MACF1: variants seen among roughly 807,000 people sequenced by gnomAD.
MACF1 encodes microtubule-actin cross-linking factor 1.
MACF1 carries 193 observed loss-of-function variants against 854.8 expected under a neutral mutation model. That is an observed-to-expected ratio of 0.23 (90% CI 0.20 to 0.25). The LOEUF (loss-of-function observed/expected upper bound fraction) is 0.25. Among genes scored for constraint, MACF1 ranks in the 10% least tolerant of loss-of-function variants. The pLI, the probability that MACF1 is intolerant of heterozygous loss-of-function variation, is 1.00. For synonymous variants in MACF1, 3,185 were observed against 3,226.7 expected (o/e 0.99, Z 0.44); for missense variants, 7,722 against 8,929.1 (o/e 0.86, Z 5.45).
At chr1:39,463,902 T>G (rs893705006) in intron 94 of MACF1, 4 of 443,940 alleles carry the variant, frequency 9.0e-6, no homozygotes, top group African/African-American at 5.9e-5. Context: ...TATTTAAGTT[T>G]TAAGATAGGA....
intron 100 of MACF1, chr1:39,485,136 T>G (rs529828356): frequency 9.6e-5 from 30 of 312,850 alleles, no homozygotes; most frequent in African/African-American, 6.1e-4. Flanking sequence ...GTTCTCCTGC[T>G]ACTGTTCCTC....
chr1:39,468,262 C>A, intron 95 of MACF1: 1 of 182,434 alleles, frequency 5.5e-6, no homozygotes, highest in South Asian at 1.1e-4. Flanking sequence ...ATGGCACACG[C>A]CTAATAAACC....
chr1:39,285,074 C>G lies in MACF1; in HGVS notation c.1132-9C>G. On this transcript the variant is annotated splice_polypyrimidine_tract_variant and intron_variant, in intron 11 of 100. Coordinates refer to ENST00000564288, the MANE Select transcript of MACF1 (RefSeq NM_001394062.1). Reference sequence around the variant, plus strand: ...CTGTGTTTTTGGACTGAAAGAGTATCTGTTTCAGGTGTGGATTGAATTTGG... The same window carrying G: ...CTGTGTTTTTGGACTGAAAGAGTATGTGTTTCAGGTGTGGATTGAATTTGG... 6.2e-7 allele frequency: 1 copy of G among 1,613,868 alleles called. No individual in the cohort carries two copies. The highest frequency in any genetic ancestry group is 8.5e-7 in the Non-Finnish European group (1 of 1,179,860).
intron 2 of MACF1, among the ~76,000 whole-genome samples, chr1:39,164,850 T>G (rs1016628087): frequency 1.3e-5 from 2 of 152,238 alleles, no homozygotes; most frequent in African/African-American, 4.8e-5. Context: ...TTTGGTAGAT[T>G]TCTGCCTCTG....
At chr1:39,157,907 C>A (rs1643723924) in intron 2 of MACF1, among the ~76,000 whole-genome samples, 1 of 152,014 alleles carries the variant, frequency 6.6e-6, no homozygotes, top group Non-Finnish European at 1.5e-5. Context: ...GGGGTTTTGC[C>A]ATGTTGCTCA....
Position 39,251,828 on chromosome 1 carries a change from C to T in MACF1, c.262-18C>T. 2 of 1,355,316 alleles carry T rather than the reference C, an allele frequency of 1.5e-6. No homozygotes were observed. Among genetic ancestry groups the T allele is most frequent in the Non-Finnish European group, 1.9e-6 (2 of 1,045,376 alleles). 84.0% of individuals were successfully genotyped at this position (1,355,316 alleles called of 1,614,324 possible). A position where few individuals can be genotyped will look rare whatever the true frequency, so the allele number is the denominator to read the frequency against. ...TCTTGTTCCTCTATTGTGTCTTTGC[C>T]TTGGTTGGTGGCCAAAGGAGCCAGC... On this transcript the variant is annotated intron_variant, in intron 3 of 100. Transcript: ENST00000564288.
In MACF1 at chr1:39,486,626, CTATTTATT is replaced by C. The variant is rs921080416; in HGVS notation, c.*835_*842del. The C allele has an allele frequency of 1.3e-5, 2 of 152,540 alleles. No homozygotes were observed. Among genetic ancestry groups the C allele is most frequent in the African/African-American group, 4.8e-5 (2 of 41,426 alleles). 9.4% of individuals were successfully genotyped at this position (152,540 alleles called of 1,614,324 possible). On this transcript the variant is annotated 3_prime_UTR_variant, in exon 101 of 101. Transcript: ENST00000564288. Reference sequence around the variant, plus strand: ...AGATTTGTTTTATCCACTTTTTTTGCTATTTATTTAAATGGTCGATCAACTTCCCACAA... The same window carrying C: ...AGATTTGTTTTATCCACTTTTTTTGCTAAATGGTCGATCAACTTCCCACAA...
rs529982802 is a variant in MACF1 at position 39,436,304 on chromosome 1, C to T, written c.17988+543C>T. Among the ~76,000 whole-genome samples, 4 of 152,170 alleles carry T rather than the reference C, an allele frequency of 2.6e-5. No individual in the cohort carries two copies. The East Asian group carries it at 7.7e-4, about 29-fold the overall frequency. ...TGTTGTCATGTCTGGGTATTTTATTCCTATGTTTAGTCAATATTCTTGGTT... is the reference window on the plus strand; with the variant it reads ...TGTTGTCATGTCTGGGTATTTTATTTCTATGTTTAGTCAATATTCTTGGTT... On this transcript the variant is annotated intron_variant, in intron 70 of 100. Coordinates refer to ENST00000564288, the MANE Select transcript of MACF1 (RefSeq NM_001394062.1).
intron 2 of MACF1, among the ~76,000 whole-genome samples, chr1:39,174,103 C>T (rs1472664676): frequency 1.3e-5 from 2 of 152,192 alleles, no homozygotes; most frequent in African/African-American, 4.8e-5. Flanking sequence ...AGTTTTTGGT[C>T]ATTGCTTCTA....
intron 64 of MACF1, 152 bp from the exon 65 acceptor site, chr1:39,429,675 C>A (rs1334189346): frequency 8.3e-6 from 6 of 722,292 alleles, no homozygotes; most frequent in African/African-American, 7.1e-5. Flanking sequence ...ATTTTATTTC[C>A]CATTTGCCCT....
At position 39,364,222 on chromosome 1, in the gene MACF1, CATG is replaced by C. The variant is rs543201279; in HGVS notation, c.12771+2548_12771+2550del. ...TTTTTTTCTGGTGTGATTGGTAAAA[CATG>C]ATATGTGAATGTGGTTTTAATTTTT... On this transcript the variant is annotated intron_variant, in intron 49 of 100. Coordinates refer to ENST00000564288, the MANE Select transcript of MACF1 (RefSeq NM_001394062.1). 5.1e-3 allele frequency among the ~76,000 whole-genome samples: 775 copies of C among 152,188 alleles called. 6 individuals carry two copies. Among genetic ancestry groups the C allele is most frequent in the African/African-American group, 0.018 (747 of 41,528 alleles).
intron 49 of MACF1, among the ~76,000 whole-genome samples, chr1:39,367,406 C>T (rs1033430828): frequency 1.3e-5 from 2 of 151,634 alleles, no homozygotes; most frequent in Non-Finnish European, 2.9e-5. Context: ...GCCATGTTGC[C>T]CAGGCTGGTC....
intron 50 of MACF1, 71 bp from the exon 51 acceptor site, chr1:39,369,959 T>G: frequency 7.2e-7 from 1 of 1,395,420 alleles, no homozygotes; most frequent in African/African-American, 1.4e-5. Context: ...AGTCACAGAA[T>G]GAACTACTCT....
chr1:39,267,922 G>A (rs1195050583), intron 6 of MACF1, among the ~76,000 whole-genome samples: 2 of 152,140 alleles, frequency 1.3e-5, no homozygotes, highest in African/African-American at 4.8e-5. Context: ...TTTAAAGTCT[G>A]TGTTCCTTTT....
At chr1:39,232,719 T>C (rs1473061070) in intron 2 of MACF1, among the ~76,000 whole-genome samples, 1 of 151,004 alleles carries the variant, frequency 6.6e-6, no homozygotes, top group South Asian at 2.1e-4. Flanking sequence ...TAAACAGTTA[T>C]CAGAAAACTA....
rs566003016 is a variant in MACF1 at position 39,109,205 on chromosome 1, C to A, written c.220+24767C>A. 2.1e-4 allele frequency among the ~76,000 whole-genome samples: 32 copies of A among 152,242 alleles called. 1 individual carries two copies. The highest frequency in any genetic ancestry group is 7.5e-4 in the African/African-American group (31 of 41,538). On this transcript the variant is annotated intron_variant, in intron 2 of 93. Coordinates refer to the MACF1 transcript ENST00000361689. Reference sequence around the variant, plus strand: ...AAAATAGGGATGATAATACTAATTTCTTGGGATTCATGAGAATATAAATGA... The same window carrying A: ...AAAATAGGGATGATAATACTAATTTATTGGGATTCATGAGAATATAAATGA...
At chr1:39,177,076 G>A (rs1342861330) in intron 2 of MACF1, among the ~76,000 whole-genome samples, 2 of 152,138 alleles carry the variant, frequency 1.3e-5, no homozygotes, top group Non-Finnish European at 2.9e-5. Flanking sequence ...TTAGAGCTAC[G>A]TTGGGGCCTA....
chr1:39,150,137 C>T (rs1310576412), intron 2 of MACF1, among the ~76,000 whole-genome samples: 1 of 152,106 alleles, frequency 6.6e-6, no homozygotes, highest in East Asian at 1.9e-4. Context: ...CCCACCCCAG[C>T]TTCCCAAGTA....
At chr1:39,200,960 A>G (rs974863790), upstream of MACF1, among the ~76,000 whole-genome samples, 30 of 152,290 alleles carry the variant, frequency 2.0e-4, no homozygotes, top group Admixed American at 2.6e-4. Flanking sequence ...AGGCATTTCA[A>G]ACCTAATGTT....
Sources: gnomAD v4.1 joint callset for allele counts (sites outside exome capture counted in the v4.1 genomes callset) on GRCh38, gnomAD v4.1.1 for gene constraint, MANE v1.5 for transcripts, NCBI Gene and HGNC (gene_info 2026-07-23, HGNC 2026-07-21) for gene names.